Variants in CEACAM1 observed in about 807,000 individuals in gnomAD.
CEACAM1 encodes cell adhesion molecule CEACAM1.
Under a neutral mutation model 49.1 loss-of-function variants are expected in CEACAM1, and 31 were observed. The ratio of observed to expected loss-of-function variants is 0.63; its 90% confidence interval spans 0.47 to 0.85. The LOEUF (loss-of-function observed/expected upper bound fraction) is 0.85, where lower values mean the gene tolerates loss of function less well. Ranked by LOEUF, CEACAM1 falls within the 40% of genes least tolerant of loss-of-function variation. The probability of loss-of-function intolerance (pLI) is 0.00; values close to 1 mark genes in which losing one functional copy is unlikely to be tolerated. For synonymous variants in CEACAM1, 244 were observed against 247.8 expected (o/e 0.98, Z 0.14); for missense variants, 570 against 645.3 (o/e 0.88, Z 1.26).
Position 42,521,988 on chromosome 19 carries a change from A to G in CEACAM1, c.639T>C (p.Tyr213=), listed in dbSNP as rs1250521850. 6.2e-7 allele frequency: 1 copy of G among 1,614,208 alleles called. No individual in the cohort carries two copies. The highest frequency in any genetic ancestry group is 1.3e-5 in the African/African-American group (1 of 75,046). The change falls in exon 3 of 9, where the codon TAT becomes TAC. Residue 213 remains tyrosine, a synonymous_variant. Transcript: ENST00000161559. ...LSVTRNDTGP[Y]ECEIQNPVSA... ...TCACTGGGTTCTGTATTTCACACTC[A>G]TAGGGTCCTGTGTCATTCCTTGTGA...
intron 4 of CEACAM1, among the ~76,000 whole-genome samples, chr19:42,519,848 C>T (rs1036701970): frequency 3.9e-5 from 6 of 152,306 alleles, no homozygotes; most frequent in East Asian, 3.9e-4. Flanking sequence ...GGATTACAGG[C>T]GTGAGCCACT....
At chr19:42,514,997 G>C (rs1212210256) in intron 5 of CEACAM1, 2 of 662,996 alleles carry the variant, frequency 3.0e-6, no homozygotes, top group Non-Finnish European at 5.4e-6. Context: ...GGGGCCAGGC[G>C]TGGTGGCTCA....
intron 5 of CEACAM1, among the ~76,000 whole-genome samples, chr19:42,516,245 T>G (rs2041597136): frequency 6.6e-6 from 1 of 152,126 alleles, no homozygotes; most frequent in South Asian, 2.1e-4. Flanking sequence ...GTTTGCAGAA[T>G]ACACTAACTT....
rs2041442271 is a variant in CEACAM1, at chr19:42,510,935, GAA to G, written c.1430-17_1430-16del. The G allele has an allele frequency of 1.2e-6, 2 of 1,613,700 alleles. No individual in the cohort carries two copies. Among genetic ancestry groups the G allele is most frequent in the African/African-American group, 2.7e-5 (2 of 74,914 alleles). On this transcript the variant is annotated splice_polypyrimidine_tract_variant and intron_variant, in intron 7 of 8. Transcript: ENST00000161559. ...GTGGTCCTGAGCTGGAGAAGCAAAA[GAA>G]GAGTTAGCGATCCATGGAAATGCAA...
chr19:42,519,009 C>G lies in CEACAM1; in HGVS notation c.1185G>C (p.Trp395Cys). ...TACTGATTGGGTTGAAGACCTCACA[C>G]CAATACGTCCCAGCATCCTCCCTCT... ...PVKREDAGTYWCEVFNPISKN... is the reference protein window; with the variant it reads ...PVKREDAGTYCCEVFNPISKN... The change falls in exon 5 of 9, where the codon TGG (tryptophan) becomes TGC (cysteine). Residue 395 changes from tryptophan to cysteine, a missense_variant. By Grantham distance (215) the Trp-to-Cys change is radical (BLOSUM62 -2). Transcript: ENST00000161559. 6.2e-7 allele frequency: 1 copy of G among 1,613,346 alleles called. No homozygotes were observed. The highest frequency in any genetic ancestry group is 8.5e-7 in the Non-Finnish European group (1 of 1,179,738).
intron 2 of CEACAM1, among the ~76,000 whole-genome samples, chr19:42,523,210 C>T (rs1041015459): frequency 2.0e-5 from 3 of 152,218 alleles, no homozygotes; most frequent in Non-Finnish European, 4.4e-5. Context: ...TGTCTGAGGA[C>T]ATCCTAGAGA....
At chr19:42,518,845 T>G in intron 5 of CEACAM1, 103 bp downstream of exon 5, 1 of 1,306,094 alleles carries the variant, frequency 7.7e-7, no homozygotes, top group Non-Finnish European at 1.1e-6. Context: ...GCTATAATGG[T>G]CTCTTCATTG....
Position 42,518,825 on chromosome 19 carries a change from A to G in CEACAM1, c.1246+123T>C, listed in dbSNP as rs574765418. On this transcript the variant is annotated intron_variant, in intron 5 of 8. Coordinates refer to ENST00000161559, the MANE Select transcript of CEACAM1 (RefSeq NM_001712.5). ...TGAGCTGAGCTCTTAACCACTTTGC[A>G]ATTCTGTTTGCTATAATGGTCTCTT... 6 of 1,164,670 alleles carry G rather than the reference A, an allele frequency of 5.2e-6. No individual in the cohort carries two copies. The South Asian group carries it at 8.1e-5, about 16-fold the overall frequency. 72.1% of individuals were successfully genotyped at this position (1,164,670 alleles called of 1,614,324 possible).
intron 2 of CEACAM1, among the ~76,000 whole-genome samples, chr19:42,522,556 TTTTC>T (rs1600235928): frequency 2.0e-5 from 3 of 150,050 alleles, no homozygotes; most frequent in Admixed American, 2.0e-4. Context: ...GGCTGGGCAT[TTTTC>T]TTTCTTTCTT....
intron 8 of CEACAM1, among the ~76,000 whole-genome samples, chr19:42,510,599 G>C: frequency 6.6e-6 from 1 of 152,206 alleles, no homozygotes; most frequent in East Asian, 1.9e-4. Context: ...TAGGCAGAAT[G>C]CCCATTTTAC....
In CEACAM1 at chr19:42,512,553, A is replaced by G. The variant is rs1168294991; in HGVS notation, c.1247-74T>C. ...CAATGGGGGCTGGGAAACAACTCTC[A>G]GAATGAAGTAGTTTCTAATTGTTCC... On this transcript the variant is annotated intron_variant, in intron 5 of 8. Coordinates refer to ENST00000161559, the MANE Select transcript of CEACAM1 (RefSeq NM_001712.5). 4.3e-6 allele frequency: 6 copies of G among 1,389,236 alleles called. No homozygotes were observed. In the Admixed American group the frequency reaches 1.0e-4, roughly 24 times the overall value. The allele number at this position is 1,389,236 out of a possible 1,614,324, so 86.1% of individuals were successfully genotyped here. A position where few individuals can be genotyped will look rare whatever the true frequency, so the allele number is the denominator to read the frequency against.
chr19:42,520,769 A>C (rs1017396434), intron 4 of CEACAM1: 6 of 173,390 alleles, frequency 3.5e-5, no homozygotes, highest in Non-Finnish European at 7.5e-5. Flanking sequence ...GGCAGAGCCA[A>C]TCACCGGGCA....
chr19:42,510,887 A>G lies in CEACAM1; in HGVS notation c.1461+2T>C, dbSNP rs1327212195. 6.2e-7 allele frequency: 1 copy of G among 1,613,338 alleles called. No homozygotes were observed. Among genetic ancestry groups the G allele is most frequent in the East Asian group, 2.2e-5 (1 of 44,894 alleles). On this transcript the variant is annotated splice_donor_variant, in intron 8 of 8. Transcript: ENST00000161559. LOFTEE classifies it high-confidence loss of function. ...AAGCCCATGAAAACCGGCTATGCTT[A>G]CCTTGTTAGGTGGGTCATTGGAGTG... is the stretch of plus-strand genomic sequence containing the variant.
In CEACAM1 at chr19:42,510,918, G is replaced by A. The variant is rs868154375; in HGVS notation, c.1432C>T (p.Gln478Ter). Residue 478 changes from glutamine to a stop codon, truncating the protein, a stop_gained and splice_region_variant, in exon 8 of 9, where the codon CAG becomes TAG. Coordinates refer to ENST00000161559, the MANE Select transcript of CEACAM1 (RefSeq NM_001712.5). LOFTEE classifies it low-confidence loss of function (END_TRUNC). ...EHKPSVSNHTQDHSNDPPNKM... is the reference protein window; with the variant it reads ...EHKPSVSNHT ...TTAGGTGGGTCATTGGAGTGGTCCT[G>A]AGCTGGAGAAGCAAAAGAAGAGTTA... 1 of 1,614,034 alleles carries A rather than the reference G, an allele frequency of 6.2e-7. No individual in the cohort carries two copies. The highest frequency in any genetic ancestry group is 1.3e-5 in the African/African-American group (1 of 75,046).
At chr19:42,526,661 G>A (rs922455334) in intron 2 of CEACAM1, among the ~76,000 whole-genome samples, 2 of 152,134 alleles carry the variant, frequency 1.3e-5, no homozygotes, top group Admixed American at 1.3e-4. Context: ...TTGGAGCAGG[G>A]GATTCCCAGG....
In CEACAM1 at chr19:42,508,325, C is replaced by T. The variant is rs1473812770; in HGVS notation, c.*784G>A. 1 of 152,234 alleles carries T rather than the reference C, an allele frequency of 6.6e-6. No individual in the cohort carries two copies. The highest frequency in any genetic ancestry group is 1.5e-5 in the Non-Finnish European group (1 of 68,050). The allele number at this position is 152,234 out of a possible 1,614,324, so 9.4% of individuals were successfully genotyped here. On this transcript the variant is annotated 3_prime_UTR_variant, in exon 9 of 9. Transcript: ENST00000161559. Reference sequence around the variant, plus strand: ...GTGTTTATCAGAAGCTGGTTCCCTCCTGAAGCTATAACCCCTCCCTCTCAG... The same window carrying T: ...GTGTTTATCAGAAGCTGGTTCCCTCTTGAAGCTATAACCCCTCCCTCTCAG...
In CEACAM1 at chr19:42,507,725, C is replaced by T. The variant is rs1317578896; in HGVS notation, c.*1384G>A. 1 of 152,246 alleles carries T rather than the reference C, an allele frequency of 6.6e-6. No homozygotes were observed. The highest frequency in any genetic ancestry group is 2.4e-5 in the African/African-American group (1 of 41,472). 9.4% of individuals were successfully genotyped at this position (152,246 alleles called of 1,614,324 possible). ...GAGGCTAGGCCTAAGTTATAATCCT[C>T]CTCCTCACAGCCCCATTTCCCCAAG... On this transcript the variant is annotated 3_prime_UTR_variant, in exon 9 of 9. Transcript: ENST00000161559.
rs750773439 is a variant in CEACAM1 at position 42,510,949 on chromosome 19, C to G, written c.1430-29G>C. 6 of 1,612,382 alleles carry G rather than the reference C, an allele frequency of 3.7e-6. 1 individual carries two copies. In the Middle Eastern group the frequency reaches 5.0e-4, roughly 133 times the overall value. ...GAGAAGCAAAAGAAGAGTTAGCGATCCATGGAAATGCAAAGCTGACTTCAG... is the reference window on the plus strand; with the variant it reads ...GAGAAGCAAAAGAAGAGTTAGCGATGCATGGAAATGCAAAGCTGACTTCAG... On this transcript the variant is annotated intron_variant, in intron 7 of 8. Coordinates refer to ENST00000161559, the MANE Select transcript of CEACAM1 (RefSeq NM_001712.5).
At chr19:42,526,914 A>T in intron 2 of CEACAM1, 127 bp downstream of exon 2, 1 of 1,443,434 alleles carries the variant, frequency 6.9e-7, no homozygotes, top group Non-Finnish European at 9.4e-7. Context: ...GTCCTGCACT[A>T]GATGCTCAAA....
Sources: gnomAD v4.1 joint callset for allele counts (sites outside exome capture counted in the v4.1 genomes callset) on GRCh38, gnomAD v4.1.1 for gene constraint, MANE v1.5 for transcripts, NCBI Gene and HGNC (gene_info 2026-07-23, HGNC 2026-07-21) for gene names.